Variants in CEP162 observed in about 807,000 individuals in gnomAD.
The protein encoded by CEP162 is centrosomal protein of 162 kDa.
CEP162 carries 141 observed loss-of-function variants against 169.2 expected under a neutral mutation model. That is an observed-to-expected ratio of 0.83 (90% CI 0.73 to 0.96). The LOEUF (loss-of-function observed/expected upper bound fraction) is 0.96. CEP162 is among the 40% of genes least tolerant of loss of function. The pLI is 0.00. For synonymous variants in CEP162, 540 were observed against 526.4 expected (o/e 1.03, Z -0.35); for missense variants, 1,600 against 1,587.2 (o/e 1.01, Z -0.14).
At chr6:84,219,327 G>C (rs75663381) in intron 3 of CEP162, 4,252 of 386,604 alleles carry the variant, frequency 0.011, 44 homozygotes, top group Non-Finnish European at 0.016. Flanking sequence ...GTCAAAGTTT[G>C]CTTCTTGACT....
At chr6:84,149,172 C>T (rs1414825980) in intron 24 of CEP162, among the ~76,000 whole-genome samples, 2 of 151,946 alleles carry the variant, frequency 1.3e-5, no homozygotes, top group African/African-American at 4.8e-5. Context: ...GGAAGAATGC[C>T]TAAGGATAAC....
At position 84,180,230 on chromosome 6, in the gene CEP162, C is replaced by G. The variant is rs1421443294; in HGVS notation, c.1664-4883G>C. Among the ~76,000 whole-genome samples the G allele has an allele frequency of 2.6e-5, 4 of 152,214 alleles. No homozygotes were observed. In the East Asian group the frequency reaches 5.8e-4, roughly 22 times the overall value. On this transcript the variant is annotated intron_variant, in intron 13 of 26. Transcript: ENST00000403245. ...AACGCAATCCAGCATATAAACAGAA[C>G]CAAAGACAAAAACCACATGATTATC...
chr6:84,203,190 G>T (rs1421889272), intron 7 of CEP162, among the ~76,000 whole-genome samples: 1 of 152,196 alleles, frequency 6.6e-6, no homozygotes, highest in Non-Finnish European at 1.5e-5. Flanking sequence ...ACTGGGAAAT[G>T]TGAGAATTAG....
rs542299549 is a variant in CEP162 at position 84,189,398 on chromosome 6, G to A, written c.1110-2775C>T. Among the ~76,000 whole-genome samples, 429 of 152,300 alleles carry A rather than the reference G, an allele frequency of 2.8e-3. 2 individuals are homozygous for A. The highest frequency in any genetic ancestry group is 9.9e-3 in the African/African-American group (412 of 41,552). On this transcript the variant is annotated intron_variant, in intron 11 of 26. Transcript: ENST00000403245. ...AGGCACGAGCGGGAACCGGGGCTGC[G>A]TGCGGCGCTTGCGGGCCAGCTGGAG... is the stretch of plus-strand genomic sequence containing the variant.
At chr6:84,201,511 A>C (rs1331373160) in intron 8 of CEP162, among the ~76,000 whole-genome samples, 2 of 152,300 alleles carry the variant, frequency 1.3e-5, no homozygotes, top group Non-Finnish European at 2.9e-5. Flanking sequence ...CCTAGTATAC[A>C]TGTACACATG....
At chr6:84,213,449 T>A (rs2099550314) in intron 5 of CEP162, among the ~76,000 whole-genome samples, 1 of 152,176 alleles carries the variant, frequency 6.6e-6, no homozygotes. Flanking sequence ...AGCAATTTAA[T>A]CCTGAAACAG....
chr6:84,163,039 T>C lies in CEP162; in HGVS notation c.2512+105A>G, dbSNP rs1200434078. 6 of 1,089,572 alleles carry C rather than the reference T, an allele frequency of 5.5e-6. No homozygotes were observed. The African/African-American group carries it at 9.5e-5, about 17-fold the overall frequency. 67.5% of individuals were successfully genotyped at this position (1,089,572 alleles called of 1,614,324 possible). ...AAATGTTTCTAAAATTACAATATACTTCAAGGAGTAGCATTTTGATTATAC... is the reference window on the plus strand; with the variant it reads ...AAATGTTTCTAAAATTACAATATACCTCAAGGAGTAGCATTTTGATTATAC... On this transcript the variant is annotated intron_variant, in intron 19 of 26. Transcript: ENST00000403245.
chr6:84,211,489 T>C (rs1198543121), intron 6 of CEP162, among the ~76,000 whole-genome samples: 1 of 131,376 alleles, frequency 7.6e-6, no homozygotes, highest in African/African-American at 3.1e-5. Context: ...ATGGTATCAC[T>C]GCACTCCAGC....
chr6:84,173,732 G>A (rs930293833), intron 16 of CEP162, among the ~76,000 whole-genome samples: 9 of 147,488 alleles, frequency 6.1e-5, no homozygotes, highest in Middle Eastern at 3.5e-3. Context: ...TGCCTAGGCT[G>A]GAGTGCAGTG....
chr6:84,203,658 T>C (rs2099545549), intron 7 of CEP162, among the ~76,000 whole-genome samples: 2 of 152,132 alleles, frequency 1.3e-5, no homozygotes, highest in African/African-American at 2.4e-5. Flanking sequence ...CACTATGTTG[T>C]CCAGGTTGTC....
At chr6:84,141,259 TTTTTCAATTTTA>T (rs1229065202) in intron 25 of CEP162, among the ~76,000 whole-genome samples, 1 of 152,170 alleles carries the variant, frequency 6.6e-6, no homozygotes, top group Non-Finnish European at 1.5e-5. Context: ...AATGATTTTT[TTTTTCAATTTTA>T]AAGGGAGCAT....
chr6:84,206,824 GACA>G (rs2099547333), intron 6 of CEP162, among the ~76,000 whole-genome samples: 1 of 152,094 alleles, frequency 6.6e-6, no homozygotes, highest in Non-Finnish European at 1.5e-5. Flanking sequence ...CTACTCCTCT[GACA>G]AAGGGCTAAT....
intron 11 of CEP162, among the ~76,000 whole-genome samples, chr6:84,187,475 C>T (rs1159271061): frequency 1.3e-5 from 2 of 152,302 alleles, no homozygotes; most frequent in East Asian, 3.9e-4. Context: ...TTCTTTCCTT[C>T]TTCATAGCAG....
chr6:84,202,023 C>A (rs1392294725), intron 7 of CEP162, among the ~76,000 whole-genome samples: 5 of 152,146 alleles, frequency 3.3e-5, no homozygotes, highest in African/African-American at 1.2e-4. Context: ...CTTAAAAATT[C>A]TTGCTTAAAG....
At chr6:84,197,650 T>TA (rs914343277) in intron 9 of CEP162, among the ~76,000 whole-genome samples, 9 of 149,208 alleles carry the variant, frequency 6.0e-5, no homozygotes, top group Admixed American at 2.0e-4. Flanking sequence ...TCGTCTCCAC[T>TA]AAAAAAAAAT....
At chr6:84,196,770 C>A (rs2099542338) in intron 9 of CEP162, among the ~76,000 whole-genome samples, 1 of 151,958 alleles carries the variant, frequency 6.6e-6, no homozygotes, top group African/African-American at 2.4e-5. Flanking sequence ...GAAGAGATAG[C>A]CAAGTGGTAC....
chr6:84,189,717 C>G (rs9449829), intron 11 of CEP162, among the ~76,000 whole-genome samples: 7 of 151,556 alleles, frequency 4.6e-5, no homozygotes, highest in African/African-American at 7.2e-5. Flanking sequence ...CTCCACGGCG[C>G]CCAGTCCCAT....
chr6:84,182,198 T>C (rs983120922), intron 13 of CEP162, among the ~76,000 whole-genome samples: 5 of 152,124 alleles, frequency 3.3e-5, no homozygotes, highest in African/African-American at 9.7e-5. Context: ...AGTATATACA[T>C]AGTGAGATGC....
Position 84,204,089 on chromosome 6 carries a change from G to C in CEP162, c.579C>G (p.Tyr193Ter), listed in dbSNP as rs779259858. The C allele has an allele frequency of 6.3e-7, 1 of 1,575,482 alleles. No homozygotes were observed. The highest frequency in any genetic ancestry group is 1.8e-5 in the Admixed American group (1 of 55,198). The change falls in exon 7 of 27, where the codon TAC (tyrosine) becomes TAG (stop). Residue 193 changes from tyrosine to a stop codon, truncating the protein, a stop_gained. Transcript: ENST00000403245. LOFTEE classifies it high-confidence loss of function. ...ESKHEELAENYSDDFEDEYVG... is the reference protein window; with the variant it reads ...ESKHEELAEN ...CATACTCATCTTCAAAATCATCACT[G>C]TAATTTTCTGAAGAAAGTAATTTTT...
Sources: allele counts gnomAD v4.1 joint callset (sites outside exome capture counted in the v4.1 genomes callset), GRCh38; gene constraint gnomAD v4.1.1; transcripts MANE v1.5; gene names NCBI Gene and HGNC (gene_info 2026-07-23, HGNC 2026-07-21).